SMCO4: variants seen among roughly 807,000 people sequenced by gnomAD.
SMCO4 encodes single-pass membrane protein with coiled-coil domains 4.
A neutral mutation model predicts 3.6 loss-of-function variants in SMCO4; 4 were observed. That is an observed-to-expected ratio of 1.11 (90% CI 0.54 to 2.53). The LOEUF (loss-of-function observed/expected upper bound fraction) is 2.53. SMCO4 is among the 30% of genes most tolerant of loss of function. The probability of loss-of-function intolerance (pLI) is 0.02; values close to 1 mark genes in which losing one functional copy is unlikely to be tolerated. For synonymous variants in SMCO4, 36 were observed against 35.3 expected, an observed-to-expected ratio of 1.02 and a Z score of -0.07; for missense variants, 70 against 80.8, an observed-to-expected ratio of 0.87 and a Z score of 0.51.
chr11:93,512,323 A>G (rs1208656568), intron 1 of SMCO4, among the ~76,000 whole-genome samples: 1 of 152,208 alleles, frequency 6.6e-6, no homozygotes, highest in East Asian at 1.9e-4. Context: ...TGTCATGGCC[A>G]TCATAAAACC....
At chr11:93,537,591 G>A (rs547241602) in intron 1 of SMCO4, among the ~76,000 whole-genome samples, 22 of 152,006 alleles carry the variant, frequency 1.4e-4, no homozygotes, top group African/African-American at 4.3e-4. Context: ...CAAAAAGAAC[G>A]AGAAAAGGGC....
At chr11:93,500,566 A>T (rs1948825629) in intron 1 of SMCO4, among the ~76,000 whole-genome samples, 1 of 152,176 alleles carries the variant, frequency 6.6e-6, no homozygotes, top group Non-Finnish European at 1.5e-5. Flanking sequence ...GGTATGTAAA[A>T]GGGAGGGATG....
At chr11:93,506,393 T>A (rs960708670) in intron 1 of SMCO4, among the ~76,000 whole-genome samples, 1 of 151,772 alleles carries the variant, frequency 6.6e-6, no homozygotes, top group East Asian at 1.9e-4. Context: ...GGCAGTGGCA[T>A]CTCACTGTAT....
chr11:93,544,089 C>A (rs1221917335), upstream of SMCO4, among the ~76,000 whole-genome samples: 1 of 152,196 alleles, frequency 6.6e-6, no homozygotes, highest in Non-Finnish European at 1.5e-5. Context: ...CTCTTAAAAG[C>A]TGGGCAATCG....
rs576243876 is a variant in SMCO4 at position 93,534,146 on chromosome 11, G to A, written c.-154+9130C>T. ...GCAGAGGTTGAAATGAGCTAAGATC[G>A]CGGCACAGCACTCCAGCCTGGGCGA... is the stretch of plus-strand genomic sequence containing the variant. On this transcript the variant is annotated intron_variant, in intron 1 of 2. Coordinates refer to ENST00000298966, the MANE Select transcript of SMCO4 (RefSeq NM_020179.3). Among the ~76,000 whole-genome samples, 118 of 149,602 alleles carry A rather than the reference G, an allele frequency of 7.9e-4. 3 individuals carry two copies. In the South Asian group the frequency reaches 0.016, roughly 20 times the overall value.
At chr11:93,498,493 C>T (rs114865721) in intron 2 of SMCO4, among the ~76,000 whole-genome samples, 2,005 of 152,264 alleles carry the variant, frequency 0.013, 47 homozygotes, top group African/African-American at 0.045. Flanking sequence ...CCGCCACAAG[C>T]GGAGAAGGGG....
intron 1 of SMCO4, 55 bp downstream of exon 1, chr11:93,543,221 C>A: frequency 6.8e-6 from 1 of 146,038 alleles, no homozygotes; most frequent in South Asian, 1.9e-4. Flanking sequence ...GCCCCGCGCC[C>A]GCCCGCCGGC....
upstream of SMCO4, among the ~76,000 whole-genome samples, chr11:93,544,400 G>T (rs1949299634): frequency 6.6e-6 from 1 of 152,184 alleles, no homozygotes. Flanking sequence ...GGCCACTCCT[G>T]TAACCTCTTC....
At chr11:93,495,734 T>G (rs1277851135) in intron 2 of SMCO4, among the ~76,000 whole-genome samples, 1 of 152,162 alleles carries the variant, frequency 6.6e-6, no homozygotes, top group East Asian at 1.9e-4. Flanking sequence ...GATTACTTAT[T>G]GGCTATTAAC....
chr11:93,534,361 T>TATACACATATATATACACATAC (rs1175436396), intron 1 of SMCO4, among the ~76,000 whole-genome samples: 6 of 58,366 alleles, frequency 1.0e-4, no homozygotes, highest in Non-Finnish European at 1.5e-4. Flanking sequence ...CACATACATA[T>TATACACATATATATACACATAC]ATATATATAT....
chr11:93,544,612 G>A (rs949846792), upstream of SMCO4, among the ~76,000 whole-genome samples: 2 of 152,044 alleles, frequency 1.3e-5, no homozygotes, highest in East Asian at 3.8e-4. Flanking sequence ...TTTTCTTCCT[G>A]ACCCTCTCTC....
chr11:93,479,102 T>C lies in SMCO4; in HGVS notation c.88A>G (p.Ile30Val), dbSNP rs1035063441. ...KQAMQEARQQ[I>V]TTVVLPTLAV... ...AGCGTGGGCAGCACCACTGTAGTGA[T>C]CTGCTGCCGGGCCTCCTGCATGGCT... is the stretch of plus-strand genomic sequence containing the variant. Residue 30 changes from isoleucine to valine, a missense_variant, in exon 3 of 3, where the codon ATC becomes GTC. Transcript: ENST00000298966. 3.7e-6 allele frequency: 6 copies of C among 1,613,974 alleles called. No individual in the cohort carries two copies. The highest frequency in any genetic ancestry group is 4.2e-6 in the Non-Finnish European group (5 of 1,180,044).
intron 1 of SMCO4, among the ~76,000 whole-genome samples, chr11:93,528,899 A>G (rs1276426237): frequency 1.3e-5 from 2 of 152,160 alleles, no homozygotes; most frequent in Non-Finnish European, 2.9e-5. Context: ...CAGGGCCCAC[A>G]TCCAATACAT....
chr11:93,550,412 C>T, the SMCO4 span, among the ~76,000 whole-genome samples: 19 of 152,158 alleles, frequency 1.2e-4, no homozygotes, highest in African/African-American at 4.3e-4. Flanking sequence ...GTAATCCCAA[C>T]AATTTGGGAG....
chr11:93,487,461 A>T (rs1948664390), intron 2 of SMCO4, among the ~76,000 whole-genome samples: 1 of 152,218 alleles, frequency 6.6e-6, no homozygotes, highest in Non-Finnish European at 1.5e-5. Context: ...AGGAGGGATC[A>T]TAGCTACAGA....
At chr11:93,551,687 C>T in the SMCO4 span, among the ~76,000 whole-genome samples, 4 of 152,218 alleles carry the variant, frequency 2.6e-5, no homozygotes, top group African/African-American at 9.7e-5. Context: ...ATCTAACTCT[C>T]CTTTTTTAAT....
intron 2 of SMCO4, among the ~76,000 whole-genome samples, chr11:93,489,940 C>T (rs1299500382): frequency 6.6e-6 from 1 of 152,214 alleles, no homozygotes. Flanking sequence ...TAAGGTGACT[C>T]TCTTGTTTGT....
At chr11:93,534,837 G>A (rs1949204305) in intron 1 of SMCO4, among the ~76,000 whole-genome samples, 1 of 152,150 alleles carries the variant, frequency 6.6e-6, no homozygotes, top group African/African-American at 2.4e-5. Flanking sequence ...CGCCTTCTCT[G>A]CCAGCCCATT....
chr11:93,527,851 T>C (rs1256218108), intron 1 of SMCO4, among the ~76,000 whole-genome samples: 2 of 152,104 alleles, frequency 1.3e-5, no homozygotes, highest in Non-Finnish European at 2.9e-5. Context: ...GGTTTTGCTA[T>C]GTAGCCCTCA....
Sources: allele counts gnomAD v4.1 joint callset (sites outside exome capture counted in the v4.1 genomes callset), GRCh38; gene constraint gnomAD v4.1.1; transcripts MANE v1.5; gene names NCBI Gene and HGNC (gene_info 2026-07-23, HGNC 2026-07-21).